Variants in MYO18B observed in about 807,000 individuals in gnomAD.
MYO18B encodes the protein unconventional myosin-XVIIIb.
Under a neutral mutation model 273.0 loss-of-function variants are expected in MYO18B, and 204 were observed. The ratio of observed to expected loss-of-function variants is 0.75; its 90% confidence interval spans 0.67 to 0.84. MYO18B has a LOEUF of 0.84. MYO18B is among the 40% of genes least tolerant of loss of function. The probability of loss-of-function intolerance (pLI) is 0.00; values close to 1 mark genes in which losing one functional copy is unlikely to be tolerated. For synonymous variants in MYO18B, 1,330 were observed against 1,305.7 expected (o/e 1.02, Z -0.40); for missense variants, 3,212 against 3,287.6 (o/e 0.98, Z 0.56).
intron 39 of MYO18B, among the ~76,000 whole-genome samples, chr22:25,985,797 A>G (rs1453838885): frequency 6.6e-6 from 1 of 151,762 alleles, no homozygotes; most frequent in Non-Finnish European, 1.5e-5. Context: ...ACTCGGCTAA[A>G]TTTTTTGTAT....
chr22:25,914,940 A>T (rs2092235939), intron 33 of MYO18B, among the ~76,000 whole-genome samples: 1 of 150,646 alleles, frequency 6.6e-6, no homozygotes, highest in Non-Finnish European at 1.5e-5. Context: ...CTCGTGATCC[A>T]CCCACCTCGG....
chr22:25,945,178 T>C (rs1290150137), intron 34 of MYO18B, among the ~76,000 whole-genome samples: 1 of 152,206 alleles, frequency 6.6e-6, no homozygotes, highest in African/African-American at 2.4e-5. Context: ...CATACCCTTT[T>C]AAAGGGGGTC....
At position 25,768,957 on chromosome 22, in the gene MYO18B, G is replaced by A; in HGVS notation, c.1041G>A (p.Lys347=). The A allele has an allele frequency of 6.2e-7, 1 of 1,611,798 alleles. No homozygotes were observed. Among genetic ancestry groups the A allele is most frequent in the Non-Finnish European group, 8.5e-7 (1 of 1,178,936 alleles). The part of the protein sequence containing the change: ...KEGVLLSKAE[K]TGEPQTQMEK... ...GGGTGCTCTTAAGTAAGGCAGAGAA[G>A]ACAGGTGAGCCTCAGACCCAGATGG... is the stretch of plus-strand genomic sequence containing the variant. The change falls in exon 4 of 44, where the codon AAG becomes AAA. Residue 347 remains lysine (K), a synonymous_variant. Transcript: ENST00000335473.
At chr22:25,836,674 G>A (rs918333782) in intron 17 of MYO18B, among the ~76,000 whole-genome samples, 3 of 152,244 alleles carry the variant, frequency 2.0e-5, no homozygotes, top group Admixed American at 6.5e-5. Flanking sequence ...GAAGGCAAAT[G>A]TAGTGGCCGG....
intron 25 of MYO18B, among the ~76,000 whole-genome samples, chr22:25,889,241 G>C (rs1267329028): frequency 1.3e-5 from 2 of 151,988 alleles, no homozygotes. Context: ...AATAAATTTT[G>C]AGCCTGCCTA....
chr22:25,885,466 C>T (rs1298533195), intron 25 of MYO18B, among the ~76,000 whole-genome samples: 1 of 152,086 alleles, frequency 6.6e-6, no homozygotes, highest in Admixed American at 6.5e-5. Flanking sequence ...GGTGAGGGGA[C>T]ATTCCAGGTA....
chr22:25,999,871 G>A (rs1280803401), intron 40 of MYO18B, among the ~76,000 whole-genome samples: 1 of 152,142 alleles, frequency 6.6e-6, no homozygotes, highest in Non-Finnish European at 1.5e-5. Flanking sequence ...GGCTAGGCTG[G>A]TCTGGAACTC....
At chr22:25,898,710 T>G (rs1231519564) in intron 29 of MYO18B, 3 of 459,388 alleles carry the variant, frequency 6.5e-6, no homozygotes, top group African/African-American at 2.0e-5. Flanking sequence ...GGAACTTTCT[T>G]TGCCTTTCTG....
chr22:25,897,610 A>G (rs2091837748), intron 28 of MYO18B: 1 of 152,220 alleles, frequency 6.6e-6, no homozygotes. Context: ...AGAACATCCC[A>G]TTTGCCTTCA....
At chr22:25,929,533 C>T (rs914329868) in intron 34 of MYO18B, among the ~76,000 whole-genome samples, 15 of 152,216 alleles carry the variant, frequency 9.9e-5, no homozygotes, top group African/African-American at 3.6e-4. Context: ...TGCTCCAGGG[C>T]AGCAGTTGCT....
At chr22:25,894,502 C>A (rs1472146285) in intron 27 of MYO18B, among the ~76,000 whole-genome samples, 3 of 152,208 alleles carry the variant, frequency 2.0e-5, no homozygotes, top group Non-Finnish European at 4.4e-5. Context: ...CAGTTTTAAT[C>A]AAACCAGCCA....
chr22:25,943,424 G>T (rs1234835318), intron 34 of MYO18B, among the ~76,000 whole-genome samples: 1 of 152,088 alleles, frequency 6.6e-6, no homozygotes, highest in Non-Finnish European at 1.5e-5. Flanking sequence ...GGGAGATTAG[G>T]CCACCTACCT....
At chr22:25,811,442 A>G (rs1313765934) in intron 12 of MYO18B, among the ~76,000 whole-genome samples, 7 of 152,204 alleles carry the variant, frequency 4.6e-5, no homozygotes, top group African/African-American at 1.4e-4. Context: ...GCATAGCCGC[A>G]GTACATATTG....
chr22:25,890,618 C>T, intron 25 of MYO18B, 138 bp from the exon 26 acceptor site: 1 of 1,263,930 alleles, frequency 7.9e-7, no homozygotes, highest in East Asian at 2.6e-5. Flanking sequence ...GAAGTCCATC[C>T]TCTTAACGAG....
intron 40 of MYO18B, among the ~76,000 whole-genome samples, chr22:25,996,578 T>G (rs2146872881): frequency 6.6e-6 from 1 of 152,226 alleles, no homozygotes; most frequent in South Asian, 2.1e-4. Flanking sequence ...TGTGTGTATG[T>G]GTGTGAGTGT....
chr22:26,039,725 T>C, the MYO18B span, among the ~76,000 whole-genome samples: 118 of 152,318 alleles, frequency 7.7e-4, 1 homozygote, highest in South Asian at 0.023. Context: ...GATTTTAGTG[T>C]ACCTGTCACC....
At chr22:26,050,277 C>T in the MYO18B span, among the ~76,000 whole-genome samples, 2 of 152,188 alleles carry the variant, frequency 1.3e-5, no homozygotes, top group African/African-American at 4.8e-5. Flanking sequence ...GTCATAATTA[C>T]ACACCGGAAG....
intron 12 of MYO18B, among the ~76,000 whole-genome samples, chr22:25,818,539 C>T (rs1201982793): frequency 1.3e-5 from 2 of 152,202 alleles, no homozygotes; most frequent in Non-Finnish European, 2.9e-5. Flanking sequence ...GGCACATAGG[C>T]TATGCTCAAC....
chr22:26,029,950 A>G (rs1166511263), intron 43 of MYO18B, among the ~76,000 whole-genome samples: 1 of 152,166 alleles, frequency 6.6e-6, no homozygotes, highest in Non-Finnish European at 1.5e-5. Context: ...TGGGAAATCT[A>G]TCCCAACTTT....
Sources: allele counts gnomAD v4.1 joint callset (sites outside exome capture counted in the v4.1 genomes callset), GRCh38; gene constraint gnomAD v4.1.1; transcripts MANE v1.5; gene names NCBI Gene and HGNC (gene_info 2026-07-23, HGNC 2026-07-21).